MIDN: variants seen among roughly 807,000 people sequenced by gnomAD.
The protein encoded by MIDN is midbrain nucleolar protein.
In MIDN, 26 loss-of-function variants were observed where a neutral mutation model predicts 46.1. The ratio of observed to expected loss-of-function variants is 0.56; its 90% CI spans 0.41 to 0.78. MIDN has a LOEUF of 0.78. MIDN is among the 30% of genes least tolerant of loss of function. The pLI is 0.00. For synonymous variants in MIDN, 432 were observed against 343.3 expected, an observed-to-expected ratio of 1.26 and a Z score of -2.86; for missense variants, 850 against 771.8, an observed-to-expected ratio of 1.10 and a Z score of -1.20.
rs753656348 is a variant in MIDN, at chr19:1,257,068, G to C, written c.1332G>C (p.Gln444His). The change falls in exon 9 of 9, where the codon CAG (glutamine) becomes CAC (histidine). Residue 444 changes from glutamine to histidine, a missense_variant. Physicochemically the swap from Gln to His is conservative, Grantham distance 24 (BLOSUM62 0). Transcript: ENST00000682408. ...AACGGCTGCAGCTGCTTCTGCAGCAGAAACGGCTCCGTAGAAAGGCCCGGC... is the reference window on the plus strand; with the variant it reads ...AACGGCTGCAGCTGCTTCTGCAGCACAAACGGCTCCGTAGAAAGGCCCGGC... ...KVERLQLLLQQKRLRRKARRD... is the reference protein window; with the variant it reads ...KVERLQLLLQHKRLRRKARRD... 6.2e-7 allele frequency: 1 copy of C among 1,612,372 alleles called. No individual in the cohort carries two copies.
At chr19:1,252,240 C>T (rs2081139132) in intron 4 of MIDN, among the ~76,000 whole-genome samples, 1 of 152,222 alleles carries the variant, frequency 6.6e-6, no homozygotes, top group South Asian at 2.1e-4. Context: ...CCGAGGAGCC[C>T]CCCTCCAGCC....
In MIDN at chr19:1,258,695, C is replaced by T. The variant is rs1424193540; in HGVS notation, c.*1423C>T. 2.6e-5 allele frequency: 3 copies of T among 115,498 alleles called. No homozygotes were observed. The highest frequency in any genetic ancestry group is 1.0e-4 in the African/African-American group (3 of 29,724). The allele number at this position is 115,498 out of a possible 1,614,324, so 7.2% of individuals were successfully genotyped here. Reference sequence around the variant, plus strand: ...CAGATGTGAACATCACGTGTTATAACTGTAGCGCTGTAAATTTTTTTGTGG... The same window carrying T: ...CAGATGTGAACATCACGTGTTATAATTGTAGCGCTGTAAATTTTTTTGTGG... On this transcript the variant is annotated 3_prime_UTR_variant, in exon 9 of 9. Coordinates refer to ENST00000682408, the MANE Select transcript of MIDN (RefSeq NM_001388306.1).
At chr19:1,249,305 G>T (rs900057804) in intron 1 of MIDN, among the ~76,000 whole-genome samples, 1 of 149,812 alleles carries the variant, frequency 6.7e-6, no homozygotes, top group African/African-American at 2.4e-5. Context: ...CGCCCTCCCC[G>T]GGGCCGCGGC....
chr19:1,254,883 T>C lies in MIDN; in HGVS notation c.826-19T>C. 1.9e-6 allele frequency: 3 copies of C among 1,591,722 alleles called. No homozygotes were observed. Among genetic ancestry groups the C allele is most frequent in the Non-Finnish European group, 2.6e-6 (3 of 1,168,130 alleles). On this transcript the variant is annotated intron_variant, in intron 6 of 8. Transcript: ENST00000682408. ...CCTGATCCTGGACCCCGTGCTCATG[T>C]GCCCCTTCCTCCCATCAGCAGATGG...
rs566327768 is a variant in MIDN, at chr19:1,257,256, A to G, written c.1520A>G (p.Glu507Gly). The G allele has an allele frequency of 2.5e-6, 4 of 1,611,870 alleles. No individual in the cohort carries two copies. Among genetic ancestry groups the G allele is most frequent in the Non-Finnish European group, 3.4e-6 (4 of 1,179,606 alleles). The change falls in exon 9 of 9, where the codon GAG becomes GGG. Residue 507 changes from glutamate (E) to glycine (G), a missense_variant. Glu to Gly is a moderately conservative substitution (Grantham distance 98). Transcript: ENST00000682408. The stretch of plus-strand genomic sequence containing the variant: ...GAAGTCAACCCTGACATCAAGTCAG[A>G]GTTCGTGGTGGCTTAGGATCTTCGG... ...KPEVNPDIKS[E>G]FVVA
intron 8 of MIDN, among the ~76,000 whole-genome samples, chr19:1,256,753 G>A (rs2145498875): frequency 6.6e-6 from 1 of 152,250 alleles, no homozygotes; most frequent in Admixed American, 6.5e-5. Context: ...GGTTGCCCAG[G>A]CCTGTCTCGA....
chr19:1,250,367 C>CGGCGGCCGA lies in MIDN; in HGVS notation c.78_86dup (p.Glu27_Ala29dup), dbSNP rs1171027897. The CGGCGGCCGA allele has an allele frequency of 8.8e-7, 1 of 1,142,518 alleles. No homozygotes were observed. The highest frequency in any genetic ancestry group is 5.1e-5 in the East Asian group (1 of 19,658). The allele number at this position is 1,142,518 out of a possible 1,614,324, so 70.8% of individuals were successfully genotyped here. ...CCCGGCGGCGCCTGCGAGCTGGGCC[C>CGGCGGCCGA]GGCGGCCGAGGCGGCGCCCATGAGC... On this transcript the variant is annotated inframe_insertion, in exon 2 of 9. Coordinates refer to ENST00000682408, the MANE Select transcript of MIDN (RefSeq NM_001388306.1).
Position 1,257,538 on chromosome 19 carries a change from C to CTCT in MIDN, c.*266_*267insTCT, listed in dbSNP as rs113517572. The CTCT allele has an allele frequency of 0.2, 83,938 of 429,348 alleles. 8,884 individuals carry two copies. The highest frequency in any genetic ancestry group is 0.25 in the South Asian group (7,443 of 29,476). 26.6% of individuals were successfully genotyped at this position (429,348 alleles called of 1,614,324 possible). The stretch of plus-strand genomic sequence containing the variant: ...CCTCTTCCTCCTCCTCCTCCTCCTC[C>CTCT]GTCTGTCTCCTTTCACCTCTGCGCC... On this transcript the variant is annotated 3_prime_UTR_variant, in exon 9 of 9. Coordinates refer to ENST00000682408, the MANE Select transcript of MIDN (RefSeq NM_001388306.1).
At chr19:1,249,839 C>T (rs1366333393) in intron 1 of MIDN, 51 bp from the exon 2 acceptor site, 3 of 151,746 alleles carry the variant, frequency 2.0e-5, no homozygotes, top group African/African-American at 7.2e-5. Flanking sequence ...GCCCCGCCCC[C>T]TGGAACGTTG....
chr19:1,256,505 G>A (rs2081201119), intron 8 of MIDN, among the ~76,000 whole-genome samples: 1 of 150,986 alleles, frequency 6.6e-6, no homozygotes, highest in South Asian at 2.1e-4. Flanking sequence ...AAAAACCAAG[G>A]TACAACCCCC....
At chr19:1,248,827 C>T (rs1320006834) in intron 1 of MIDN, among the ~76,000 whole-genome samples, 167 bp downstream of exon 1, 3 of 151,804 alleles carry the variant, frequency 2.0e-5, no homozygotes, top group African/African-American at 7.3e-5. Flanking sequence ...CAGCCAGCGC[C>T]GCCCTGGCCG....
chr19:1,251,864 C>T lies in MIDN; in HGVS notation c.347C>T (p.Ser116Phe). The change falls in exon 4 of 9, where the codon TCC becomes TTC. Residue 116 changes from serine to phenylalanine, a missense_variant. Transcript: ENST00000682408. ...TCTCAGGCCTCAAGGCCGGAACAGT[C>T]CGTGATGCAAGCTCTCGAGAGTCTC... is the stretch of plus-strand genomic sequence containing the variant. ...LMSQASRPEQ[S>F]VMQALESLTE... 2 of 1,613,574 alleles carry T rather than the reference C, an allele frequency of 1.2e-6. No homozygotes were observed. The highest frequency in any genetic ancestry group is 1.7e-6 in the Non-Finnish European group (2 of 1,179,818).
At chr19:1,253,532 G>A (rs919501521) in intron 4 of MIDN, among the ~76,000 whole-genome samples, 2 of 152,202 alleles carry the variant, frequency 1.3e-5, no homozygotes, top group Admixed American at 6.5e-5. Flanking sequence ...CTGAACGGGG[G>A]CAGATTGAGG....
At chr19:1,254,105 C>T (rs1173755781) in intron 5 of MIDN, 23 bp downstream of exon 5, 3 of 1,539,806 alleles carry the variant, frequency 1.9e-6, no homozygotes, top group Admixed American at 3.9e-5. Flanking sequence ...GGGGACTGGG[C>T]CGGGCTGGGC....
chr19:1,251,099 CGGCCG>C (rs2081121648), intron 2 of MIDN, among the ~76,000 whole-genome samples: 3 of 151,970 alleles, frequency 2.0e-5, no homozygotes, highest in Non-Finnish European at 4.4e-5. Flanking sequence ...TGCGCGGCGG[CGGCCG>C]CCTGCGCCGG....
chr19:1,255,227 C>T (rs1042275193), intron 7 of MIDN, among the ~76,000 whole-genome samples, 166 bp downstream of exon 7: 3 of 152,168 alleles, frequency 2.0e-5, no homozygotes, highest in Admixed American at 6.5e-5. Flanking sequence ...ACGCCTGGCC[C>T]TGCCCGGGGG....
intron 2 of MIDN, among the ~76,000 whole-genome samples, chr19:1,251,079 C>T (rs1051000535): frequency 6.6e-6 from 1 of 151,880 alleles, no homozygotes; most frequent in Non-Finnish European, 1.5e-5. Flanking sequence ...GGGGGAGGGT[C>T]TCCTTTGTCT....
chr19:1,255,790 GC>G, intron 8 of MIDN, 96 bp downstream of exon 8: 2 of 1,227,088 alleles, frequency 1.6e-6, no homozygotes, highest in Admixed American at 2.9e-5. Flanking sequence ...CAGCTGACCT[GC>G]CCAGGGGCTG....
chr19:1,256,344 G>T (rs1328194136), intron 8 of MIDN, among the ~76,000 whole-genome samples: 1 of 152,138 alleles, frequency 6.6e-6, no homozygotes, highest in South Asian at 2.1e-4. Flanking sequence ...TTAGCCAGGC[G>T]TGGTGGTGGG....
Sources: gnomAD v4.1 joint callset for allele counts (sites outside exome capture counted in the v4.1 genomes callset) on GRCh38, gnomAD v4.1.1 for gene constraint, MANE v1.5 for transcripts, NCBI Gene and HGNC (gene_info 2026-07-23, HGNC 2026-07-21) for gene names.